SMOX: variants seen among roughly 807,000 people sequenced by gnomAD.
SMOX encodes spermine oxidase.
In SMOX, 22 loss-of-function variants were observed where a neutral mutation model predicts 51.0. The ratio of observed to expected loss-of-function variants is 0.43; its 90% CI spans 0.31 to 0.62. SMOX has a LOEUF of 0.62. SMOX is among the 20% of genes least tolerant of loss of function. The probability of loss-of-function intolerance (pLI) is 0.10; values close to 1 mark genes in which losing one functional copy is unlikely to be tolerated. For synonymous variants in SMOX, 282 were observed against 307.8 expected (o/e 0.92, Z 0.88); for missense variants, 566 against 777.7 (o/e 0.73, Z 3.24).
chr20:4,161,921 G>C (rs577551402), intron 1 of SMOX, among the ~76,000 whole-genome samples: 2 of 152,332 alleles, frequency 1.3e-5, no homozygotes, highest in South Asian at 2.1e-4. Flanking sequence ...CTTAGCACTG[G>C]TCCCACCCTA....
chr20:4,158,257 C>T (rs1421142471), intron 1 of SMOX, among the ~76,000 whole-genome samples: 1 of 152,084 alleles, frequency 6.6e-6, no homozygotes, highest in Non-Finnish European at 1.5e-5. Context: ...GCAACATTGG[C>T]CCTCCGACCT....
At chr20:4,154,386 C>CTTTTTTTT (rs57727682) in intron 1 of SMOX, among the ~76,000 whole-genome samples, 8,366 of 149,890 alleles carry the variant, frequency 0.056, 394 homozygotes, top group East Asian at 0.21. Context: ...TTCTTTCTTT[C>CTTTTTTTT]TTTTTTTGAG....
At position 4,166,049 on chromosome 20, in the gene SMOX, G is replaced by C. The variant is rs1568735871; in HGVS notation, c.-26-8981G>C. 2.0e-5 allele frequency among the ~76,000 whole-genome samples: 3 copies of C among 152,214 alleles called. No homozygotes were observed. The highest frequency in any genetic ancestry group is 2.0e-4 in the Admixed American group (3 of 15,278). On this transcript the variant is annotated intron_variant, in intron 1 of 6. Coordinates refer to ENST00000305958, the MANE Select transcript of SMOX (RefSeq NM_175839.3). The surrounding 1 kb of genome is among the most constrained non-coding windows in gnomAD (Gnocchi z 4.2). ...AGGTGGAAACTTAGCTGGTGGGGCT[G>C]GCCCAGAGCTTGAAAAGTTCACAGG...
At chr20:4,159,235 C>T (rs1259047985) in intron 1 of SMOX, among the ~76,000 whole-genome samples, 2 of 152,098 alleles carry the variant, frequency 1.3e-5, no homozygotes, top group African/African-American at 4.8e-5. Context: ...CCTTAGCCTC[C>T]CAAGTAGCTA....
chr20:4,163,669 T>C (rs1986434788), intron 1 of SMOX, among the ~76,000 whole-genome samples: 1 of 152,196 alleles, frequency 6.6e-6, no homozygotes, highest in Non-Finnish European at 1.5e-5. Context: ...CAGCCAGCGC[T>C]GCAGTCATCT....
intron 1 of SMOX, among the ~76,000 whole-genome samples, chr20:4,173,485 C>T (rs1349976086): frequency 6.6e-6 from 1 of 152,174 alleles, no homozygotes; most frequent in Non-Finnish European, 1.5e-5. Context: ...TGCTGATAGA[C>T]CCGTGGGGTG....
chr20:4,154,125 A>G (rs973392351), intron 1 of SMOX, among the ~76,000 whole-genome samples: 21 of 151,970 alleles, frequency 1.4e-4, no homozygotes. Context: ...GAGGAGGAGA[A>G]GTGGGTTGAA....
intron 3 of SMOX, among the ~76,000 whole-genome samples, chr20:4,179,230 A>T (rs1164765244): frequency 2.0e-5 from 3 of 152,196 alleles, no homozygotes; most frequent in Non-Finnish European, 4.4e-5. Context: ...TTCCCAGGTT[A>T]TTGTGAGTGA....
At chr20:4,160,699 T>G (rs1600801296) in intron 1 of SMOX, among the ~76,000 whole-genome samples, 1 of 152,338 alleles carries the variant, frequency 6.6e-6, no homozygotes, top group Middle Eastern at 3.4e-3. Flanking sequence ...CTTGGCTCTA[T>G]GATAAATTAC....
rs759196730 is a variant in SMOX at position 4,182,274 on chromosome 20, C to T, written c.795C>T (p.His265=). The T allele has an allele frequency of 3.5e-5, 56 of 1,613,052 alleles. No homozygotes were observed. In the Admixed American group the frequency reaches 3.8e-4, roughly 11 times the overall value. ...IQLGKPVRCI[H]WDQASARPRG... ...TAGGGAAACCTGTCCGCTGCATTCACTGGGACCAGGCCTCAGCCCGCCCCA... is the reference window on the plus strand; with the variant it reads ...TAGGGAAACCTGTCCGCTGCATTCATTGGGACCAGGCCTCAGCCCGCCCCA... The change falls in exon 5 of 7, where the codon CAC becomes CAT. Residue 265 remains histidine, a synonymous_variant. Coordinates refer to ENST00000305958, the MANE Select transcript of SMOX (RefSeq NM_175839.3). The surrounding 1 kb of genome is among the most constrained non-coding windows in gnomAD (Gnocchi z 8.4).
intron 3 of SMOX, among the ~76,000 whole-genome samples, chr20:4,178,201 G>A (rs1979034297): frequency 6.6e-6 from 1 of 152,012 alleles, no homozygotes; most frequent in South Asian, 2.1e-4. Flanking sequence ...GGCATGCCCA[G>A]CTAATTTTTG....
At chr20:4,169,363 C>T (rs907321174) in intron 1 of SMOX, among the ~76,000 whole-genome samples, 21 of 152,196 alleles carry the variant, frequency 1.4e-4, no homozygotes, top group South Asian at 6.2e-4. Flanking sequence ...GTGTGGGGTA[C>T]GGGAGGCTGG....
intron 1 of SMOX, among the ~76,000 whole-genome samples, chr20:4,158,189 A>T (rs564833609): frequency 2.0e-5 from 3 of 152,132 alleles, no homozygotes; most frequent in Non-Finnish European, 2.9e-5. Context: ...TGTGAGCCAC[A>T]GCGCCGGTCG....
chr20:4,158,990 C>T lies in SMOX; in HGVS notation c.-27+10013C>T, dbSNP rs1361562248. On this transcript the variant is annotated intron_variant, in intron 1 of 6. Coordinates refer to ENST00000305958, the MANE Select transcript of SMOX (RefSeq NM_175839.3). ...CTTTAAATGTTAAACACACAGGGAC[C>T]TTTTACTCTCTCTTATTTTGGAAAA... Among the ~76,000 whole-genome samples the T allele has an allele frequency of 4.1e-5, 6 of 147,402 alleles. No homozygotes were observed. In the Admixed American group the frequency reaches 4.2e-4, roughly 10 times the overall value.
At position 4,172,456 on chromosome 20, in the gene SMOX, G is replaced by C. The variant is rs955549830; in HGVS notation, c.-26-2574G>C. 6.6e-6 allele frequency among the ~76,000 whole-genome samples: 1 copy of C among 152,216 alleles called. No individual in the cohort carries two copies. The highest frequency in any genetic ancestry group is 1.5e-5 in the Non-Finnish European group (1 of 68,036). On this transcript the variant is annotated intron_variant, in intron 1 of 6. Coordinates refer to ENST00000305958, the MANE Select transcript of SMOX (RefSeq NM_175839.3). This position sits in a 1 kb window ranked among gnomAD's most constrained non-coding sequence, Gnocchi z 7.7. ...CAGGAAGGAGAACCTGGGGTAGGGTGGGGGAGGACTGGAGCCAGCCCTGAT... is the reference window on the plus strand; with the variant it reads ...CAGGAAGGAGAACCTGGGGTAGGGTCGGGGAGGACTGGAGCCAGCCCTGAT...
At chr20:4,174,909 G>A in intron 1 of SMOX, 121 bp from the exon 2 acceptor site, 1 of 931,736 alleles carries the variant, frequency 1.1e-6, no homozygotes, top group Non-Finnish European at 1.6e-6. Context: ...GGGAGGGAGA[G>A]GACTCCAGGT....
chr20:4,180,388 G>T (rs970944297), intron 3 of SMOX, among the ~76,000 whole-genome samples: 1 of 152,212 alleles, frequency 6.6e-6, no homozygotes, highest in Admixed American at 6.5e-5. Flanking sequence ...AGGGCTGGGG[G>T]ACAGGGCAGA....
In SMOX at chr20:4,177,372, G is replaced by A; in HGVS notation, c.230G>A (p.Gly77Glu). The change falls in exon 3 of 7, where the codon GGA becomes GAA. Residue 77 changes from glycine (G) to glutamate (E), a missense_variant. Gly to Glu is a moderately conservative substitution (Grantham distance 98). Around this residue, in one of 3 missense-constraint regions of SMOX, gnomAD observed 217 missense variants for 278.4 expected, o/e 0.78. Coordinates refer to ENST00000305958, the MANE Select transcript of SMOX (RefSeq NM_175839.3). The surrounding 1 kb of genome is among the most constrained non-coding windows in gnomAD (Gnocchi z 4.3). Reference sequence around the variant, plus strand: ...TCAGGACACGCCACCTTTGAGCTGGGAGCCACCTGGATCCATGGCTCCCAT... The same window carrying A: ...TCAGGACACGCCACCTTTGAGCTGGAAGCCACCTGGATCCATGGCTCCCAT... The part of the protein sequence containing the change: ...VKLGHATFEL[G>E]ATWIHGSHGN... The A allele has an allele frequency of 1.3e-6, 2 of 1,552,774 alleles. No individual in the cohort carries two copies. The highest frequency in any genetic ancestry group is 1.7e-6 in the Non-Finnish European group (2 of 1,147,536).
chr20:4,168,927 TTTATTTTATTTTATTTTATTTTATG>T lies in SMOX; in HGVS notation c.-26-6089_-26-6065del, dbSNP rs1568737521. Among the ~76,000 whole-genome samples the T allele has an allele frequency of 3.6e-5, 5 of 139,594 alleles. No individual in the cohort carries two copies. In the East Asian group the frequency reaches 1.1e-3, roughly 31 times the overall value. The allele number at this position is 139,594 out of a possible 152,430, so 91.6% of individuals were successfully genotyped here. On this transcript the variant is annotated intron_variant, in intron 1 of 6. Coordinates refer to ENST00000305958, the MANE Select transcript of SMOX (RefSeq NM_175839.3). ...TTTATTTTATTTTATTTTATTTTATTTTATTTTATTTTATTTTATTTTATGTTATTTTATTTTAGAGACAGGGTCT... is the reference window on the plus strand; with the variant it reads ...TTTATTTTATTTTATTTTATTTTATTTTATTTTATTTTAGAGACAGGGTCT...
Sources: gnomAD v4.1 joint callset for allele counts (sites outside exome capture counted in the v4.1 genomes callset) on GRCh38, gnomAD v4.1.1 for gene constraint, gnomAD v4.1.1 regional missense constraint, Gnocchi (gnomAD v3.1) non-coding constraint, MANE v1.5 for transcripts, NCBI Gene and HGNC (gene_info 2026-07-23, HGNC 2026-07-21) for gene names.